The following NAV2 variants were observed in gnomAD, a reference collection of about 807,000 sequenced individuals.
NAV2 encodes neuron navigator 2, also known as helicase, APC down-regulated 1.
A neutral mutation model predicts 223.2 loss-of-function variants in NAV2; 54 were observed. The ratio of observed to expected loss-of-function variants is 0.24; its 90% CI spans 0.19 to 0.30. NAV2 has a LOEUF of 0.30. NAV2 is among the 10% of genes least tolerant of loss of function. The probability of loss-of-function intolerance (pLI) is 1.00; values close to 1 mark genes in which losing one functional copy is unlikely to be tolerated. For synonymous variants in NAV2, 1,279 were observed against 1,239.3 expected (o/e 1.03, Z -0.67); for missense variants, 2,806 against 3,147.5 (o/e 0.89, Z 2.60).
At chr11:19,918,209 C>T (rs1334537071) in intron 6 of NAV2, among the ~76,000 whole-genome samples, 1 of 152,238 alleles carries the variant, frequency 6.6e-6, no homozygotes, top group Non-Finnish European at 1.5e-5. Flanking sequence ...GAGAGGATAA[C>T]ATTGCATTCG....
At chr11:19,437,740 A>G (rs1451295170) in intron 1 of NAV2, among the ~76,000 whole-genome samples, 1 of 152,224 alleles carries the variant, frequency 6.6e-6, no homozygotes, top group East Asian at 1.9e-4. Context: ...AAACTATGAA[A>G]CGATGCATTC....
chr11:19,992,894 G>A (rs2051480836), intron 11 of NAV2, among the ~76,000 whole-genome samples: 1 of 152,056 alleles, frequency 6.6e-6, no homozygotes, highest in East Asian at 1.9e-4. Context: ...CGCCCCACCT[G>A]AAGTACATTT....
intron 1 of NAV2, among the ~76,000 whole-genome samples, chr11:19,537,600 T>G (rs922709048): frequency 6.6e-6 from 1 of 152,228 alleles, no homozygotes; most frequent in Non-Finnish European, 1.5e-5. Flanking sequence ...GGCTTTAGAA[T>G]TGGCTCAGCA....
Position 19,853,409 on chromosome 11 carries a change from CA to C in NAV2, c.438+10488del, listed in dbSNP as rs577153721. 7.9e-5 allele frequency among the ~76,000 whole-genome samples: 12 copies of C among 152,362 alleles called. No individual in the cohort carries two copies. In the East Asian group the frequency reaches 2.3e-3, roughly 29 times the overall value. ...AGGTTAGGATGCCTTCAAGCTAGTC[CA>C]ACCCGTGGCCCACAGGCCACCTGCA... is the stretch of plus-strand genomic sequence containing the variant. On this transcript the variant is annotated intron_variant, in intron 3 of 37. Transcript: ENST00000349880.
At chr11:19,401,159 AT>A (rs1370472218) in intron 1 of NAV2, among the ~76,000 whole-genome samples, 1 of 152,224 alleles carries the variant, frequency 6.6e-6, no homozygotes, top group African/African-American at 2.4e-5. Context: ...TAAAATATTA[AT>A]TCTTTCTATT....
Position 20,118,019 on chromosome 11 carries a change from A to G in NAV2, c.7165-114A>G, listed in dbSNP as rs530636234. 2.0e-5 allele frequency: 24 copies of G among 1,213,144 alleles called. No homozygotes were observed. The South Asian group carries it at 3.0e-4, about 15-fold the overall frequency. The allele number at this position is 1,213,144 out of a possible 1,614,324, so 75.1% of individuals were successfully genotyped here. A position where few individuals can be genotyped will look rare whatever the true frequency, so the allele number is the denominator to read the frequency against. ...GTCCATGTTCTTGTCCACTGCCTCCACTGTGGGCTGTTATCCCAGGTGAGT... is the reference window on the plus strand; with the variant it reads ...GTCCATGTTCTTGTCCACTGCCTCCGCTGTGGGCTGTTATCCCAGGTGAGT... On this transcript the variant is annotated intron_variant, in intron 37 of 37. Transcript: ENST00000349880.
chr11:19,777,670 G>A (rs963056259), intron 1 of NAV2: 15 of 402,428 alleles, frequency 3.7e-5, no homozygotes, highest in South Asian at 2.7e-4. Context: ...TTTGAAGCTA[G>A]ATCTCAGGGG....
chr11:19,547,054 T>C (rs1286417415), intron 1 of NAV2, among the ~76,000 whole-genome samples: 1 of 152,218 alleles, frequency 6.6e-6, no homozygotes, highest in Non-Finnish European at 1.5e-5. Flanking sequence ...AACTGTGTCC[T>C]GCTGCCTTTG....
intron 1 of NAV2, among the ~76,000 whole-genome samples, chr11:19,432,190 C>T (rs1015319573): frequency 8.5e-5 from 9 of 106,226 alleles, no homozygotes; most frequent in African/African-American, 3.1e-4. Flanking sequence ...AAGAGCAAAA[C>T]TCCGACCAAA....
At chr11:20,086,241 A>G (rs774860240) in intron 26 of NAV2, among the ~76,000 whole-genome samples, 1 of 152,220 alleles carries the variant, frequency 6.6e-6, no homozygotes, top group Admixed American at 6.5e-5. Context: ...TGTTCTGTGT[A>G]TAAGGAATAT....
intron 1 of NAV2, among the ~76,000 whole-genome samples, chr11:19,504,031 T>C (rs2043042769): frequency 6.6e-6 from 1 of 152,184 alleles, no homozygotes; most frequent in African/African-American, 2.4e-5. Context: ...CTCACCAAGA[T>C]ATACGGATGG....
intron 11 of NAV2, among the ~76,000 whole-genome samples, chr11:20,018,621 T>C: frequency 6.6e-6 from 1 of 152,168 alleles, no homozygotes; most frequent in East Asian, 1.9e-4. Flanking sequence ...CATTTTGTCC[T>C]CCTATGCTTG....
chr11:20,115,222 G>A (rs1262828275), intron 37 of NAV2, among the ~76,000 whole-genome samples: 1 of 152,134 alleles, frequency 6.6e-6, no homozygotes, highest in East Asian at 1.9e-4. Flanking sequence ...CTGAGGGCAG[G>A]AGGGACTCAC....
intron 2 of NAV2, 135 bp downstream of exon 2, chr11:19,832,736 G>T: frequency 1.4e-6 from 1 of 736,402 alleles, no homozygotes. Flanking sequence ...TATTTGATTT[G>T]TGTTTTGACT....
chr11:20,056,497 G>T (rs953248490), intron 19 of NAV2: 24 of 1,428,400 alleles, frequency 1.7e-5, no homozygotes, highest in African/African-American at 2.8e-5. Flanking sequence ...AATATTTGGG[G>T]TTGGATTTTT....
chr11:20,100,549 GTGTGTGTGT>G (rs2061564328), intron 31 of NAV2, among the ~76,000 whole-genome samples: 3 of 7,846 alleles, frequency 3.8e-4, no homozygotes, highest in Middle Eastern at 0.25. Flanking sequence ...CTAGAGGGGT[GTGTGTGTGT>G]GTGTGTGTGT....
At chr11:20,028,405 G>A (rs531113792) in intron 11 of NAV2, among the ~76,000 whole-genome samples, 1 of 152,270 alleles carries the variant, frequency 6.6e-6, no homozygotes, top group African/African-American at 2.4e-5. Context: ...TTCTCCAAGA[G>A]GTAGTAGAGA....
At chr11:19,946,617 G>A (rs1412583299) in intron 9 of NAV2, 108 bp downstream of exon 9, 14 of 896,138 alleles carry the variant, frequency 1.6e-5, no homozygotes, top group Admixed American at 2.6e-5. Context: ...TCATAGCCTC[G>A]CTTTCCAAAT....
At chr11:19,566,041 T>G (rs925659228) in intron 1 of NAV2, among the ~76,000 whole-genome samples, 16 of 124,292 alleles carry the variant, frequency 1.3e-4, no homozygotes, top group Middle Eastern at 3.5e-3. Flanking sequence ...GATTTTATTT[T>G]ATTTTATTTT....
Sources: allele counts gnomAD v4.1 joint callset (sites outside exome capture counted in the v4.1 genomes callset), GRCh38; gene constraint gnomAD v4.1.1; transcripts MANE v1.5; gene names NCBI Gene and HGNC (gene_info 2026-07-23, HGNC 2026-07-21).